The following CAMTA1 variants were observed in gnomAD, a reference collection of about 807,000 sequenced individuals.
CAMTA1 encodes the protein calmodulin-binding transcription activator 1.
CAMTA1 carries 27 observed loss-of-function variants against 170.9 expected under a neutral mutation model. The ratio of observed to expected loss-of-function variants is 0.16; its 90% CI spans 0.12 to 0.22. The LOEUF is 0.22. CAMTA1 is among the 10% of genes least tolerant of loss of function. The pLI is 1.00. For synonymous variants in CAMTA1, 833 were observed against 891.5 expected (o/e 0.93, Z 1.17); for missense variants, 1,619 against 2,217.2 (o/e 0.73, Z 5.42).
At chr1:7,646,196 G>A (rs972445058) in intron 7 of CAMTA1, among the ~76,000 whole-genome samples, 5 of 150,324 alleles carry the variant, frequency 3.3e-5, no homozygotes, top group African/African-American at 7.4e-5. Flanking sequence ...GAGGGTGGAG[G>A]CCATGGTGAT....
chr1:7,451,825 C>T (rs1203635107), intron 5 of CAMTA1, among the ~76,000 whole-genome samples: 1 of 152,234 alleles, frequency 6.6e-6, no homozygotes, highest in Admixed American at 6.5e-5. Flanking sequence ...TTCCTCTGAG[C>T]TGGGTCCCAG....
rs3222190 is a variant in CAMTA1, at chr1:7,547,348, GCACACACACACACACACA to G, written c.510+79472_510+79489del. Among the ~76,000 whole-genome samples the G allele has an allele frequency of 4.9e-3, 710 of 144,106 alleles. 42 individuals are homozygous for G. The East Asian group carries it at 0.13, about 26-fold the overall frequency. The allele number at this position is 144,106 out of a possible 152,430, so 94.5% of individuals were successfully genotyped here. On this transcript the variant is annotated intron_variant, in intron 6 of 22. Transcript: ENST00000303635. This position sits in a 1 kb window ranked among gnomAD's most constrained non-coding sequence, Gnocchi z 5.7. ...GAGCTGGGGAATATATGTATCATATGCACACACACACACACACACACACACACACACACACACACACAG... is the reference window on the plus strand; with the variant it reads ...GAGCTGGGGAATATATGTATCATATGCACACACACACACACACACACACAG...
chr1:7,250,816 C>T (rs1458510654), intron 5 of CAMTA1, among the ~76,000 whole-genome samples: 1 of 152,198 alleles, frequency 6.6e-6, no homozygotes, highest in Non-Finnish European at 1.5e-5. Flanking sequence ...TTCCTGCATT[C>T]TCCTGTGCTC....
intron 6 of CAMTA1, among the ~76,000 whole-genome samples, chr1:7,626,770 G>A (rs1300236530): frequency 6.6e-6 from 1 of 152,146 alleles, no homozygotes; most frequent in Non-Finnish European, 1.5e-5. Context: ...AATTGGAGAT[G>A]GAAGGGGGTT....
At chr1:7,129,937 GTGTGT>G (rs1645150197) in intron 4 of CAMTA1, among the ~76,000 whole-genome samples, 1 of 151,758 alleles carries the variant, frequency 6.6e-6, no homozygotes, top group Admixed American at 6.6e-5. Flanking sequence ...GTGTGTGTGT[GTGTGT>G]GTGTGTGTGT....
intron 6 of CAMTA1, among the ~76,000 whole-genome samples, chr1:7,537,852 A>C (rs555143324): frequency 2.4e-4 from 36 of 152,348 alleles, no homozygotes; most frequent in African/African-American, 8.2e-4. Context: ...GATAGAAAAA[A>C]AGACTTTTTA....
intron 4 of CAMTA1, among the ~76,000 whole-genome samples, chr1:7,133,646 T>C (rs924290181): frequency 1.9e-4 from 29 of 152,116 alleles, no homozygotes; most frequent in Admixed American, 1.8e-3. Context: ...GTAAATCCAA[T>C]CCTTGTCCTC....
chr1:7,471,955 T>C (rs2093340084), intron 6 of CAMTA1, among the ~76,000 whole-genome samples: 2 of 152,254 alleles, frequency 1.3e-5, no homozygotes, highest in Non-Finnish European at 2.9e-5. Context: ...TCTGTATGGC[T>C]CATTTGGAAA....
At chr1:7,378,596 G>C (rs1422036028) in intron 5 of CAMTA1, among the ~76,000 whole-genome samples, 1 of 152,038 alleles carries the variant, frequency 6.6e-6, no homozygotes, top group Non-Finnish European at 1.5e-5. Context: ...GGGGCCGGGG[G>C]CAGGGAGGAG....
At chr1:7,490,800 C>G (rs1303022429) in intron 6 of CAMTA1, among the ~76,000 whole-genome samples, 1 of 152,164 alleles carries the variant, frequency 6.6e-6, no homozygotes, top group Non-Finnish European at 1.5e-5. Context: ...GTTGTCAGGC[C>G]GAGATCCTCT....
At chr1:7,525,401 C>G (rs2094419890) in intron 6 of CAMTA1, among the ~76,000 whole-genome samples, 1 of 152,044 alleles carries the variant, frequency 6.6e-6, no homozygotes, top group Non-Finnish European at 1.5e-5. Context: ...CAGGCTCCCC[C>G]CATCTCCACA....
At chr1:7,097,508 T>C (rs1027089293) in intron 4 of CAMTA1, among the ~76,000 whole-genome samples, 1 of 152,236 alleles carries the variant, frequency 6.6e-6, no homozygotes, top group African/African-American at 2.4e-5. Flanking sequence ...GGTTTGTCTT[T>C]GTTCAGCCCC....
In CAMTA1 at chr1:6,970,012, TG is replaced by T. The variant is rs530277236; in HGVS notation, c.235-121291del. ...CACCACCACAGTCAAGGTGCAGAAT[TG>T]TTCCATCTCCACAGACATCCTCCCA... On this transcript the variant is annotated intron_variant, in intron 3 of 22. Transcript: ENST00000303635. This position sits in a 1 kb window ranked among gnomAD's most constrained non-coding sequence, Gnocchi z 4.4. Among the ~76,000 whole-genome samples the T allele has an allele frequency of 1.6e-4, 25 of 152,294 alleles. No homozygotes were observed. Among genetic ancestry groups the T allele is most frequent in the Admixed American group, 9.8e-4 (15 of 15,300 alleles).
intron 5 of CAMTA1, among the ~76,000 whole-genome samples, chr1:7,431,778 C>G (rs553264734): frequency 6.6e-6 from 1 of 152,340 alleles, no homozygotes; most frequent in East Asian, 1.9e-4. Flanking sequence ...ACTGCCTCTT[C>G]CCTGCAGATC....
chr1:7,503,073 A>T (rs1056020015), intron 6 of CAMTA1, among the ~76,000 whole-genome samples: 4 of 152,176 alleles, frequency 2.6e-5, no homozygotes, highest in Non-Finnish European at 5.9e-5. Flanking sequence ...CGTCAGGACA[A>T]TGGGGTGGGC....
chr1:6,960,263 AGAGCAGTTAAAC>A (rs1690145848), intron 3 of CAMTA1, among the ~76,000 whole-genome samples: 1 of 152,190 alleles, frequency 6.6e-6, no homozygotes, highest in Non-Finnish European at 1.5e-5. Flanking sequence ...CTGGGGGCAG[AGAGCAGTTAAAC>A]GAGACGTGAG....
rs534975820 is a variant in CAMTA1 at position 7,509,241 on chromosome 1, A to G, written c.510+41340A>G. Among the ~76,000 whole-genome samples the G allele has an allele frequency of 1.4e-4, 21 of 152,354 alleles. No homozygotes were observed. In the East Asian group the frequency reaches 3.9e-3, roughly 28 times the overall value. On this transcript the variant is annotated intron_variant, in intron 6 of 22. Transcript: ENST00000303635. ...ACCGTCTTACAAATGCATCTGTTACATCAAACCAAAGCCTGGGCGCCTTTT... is the reference window on the plus strand; with the variant it reads ...ACCGTCTTACAAATGCATCTGTTACGTCAAACCAAAGCCTGGGCGCCTTTT...
intron 3 of CAMTA1, among the ~76,000 whole-genome samples, chr1:6,931,699 C>T (rs1026395830): frequency 3.3e-5 from 5 of 152,160 alleles, no homozygotes; most frequent in Non-Finnish European, 5.9e-5. Flanking sequence ...TGGGCTGCCT[C>T]GCTGTGCACA....
At chr1:7,193,862 G>A (rs1442590005) in intron 4 of CAMTA1, among the ~76,000 whole-genome samples, 1 of 152,180 alleles carries the variant, frequency 6.6e-6, no homozygotes, top group Non-Finnish European at 1.5e-5. Flanking sequence ...CTGACGGCCC[G>A]AAGGGGAGGC....
Sources: allele counts gnomAD v4.1 joint callset (sites outside exome capture counted in the v4.1 genomes callset), GRCh38; gene constraint gnomAD v4.1.1; non-coding constraint Gnocchi (gnomAD v3.1); transcripts MANE v1.5; gene names NCBI Gene and HGNC (gene_info 2026-07-23, HGNC 2026-07-21).